Variants in STARD10 observed in about 807,000 individuals in gnomAD.
STARD10 encodes StAR related lipid transfer domain containing 10.
In STARD10, 24 loss-of-function variants were observed where a neutral mutation model predicts 36.0. The observed-to-expected ratio is 0.67, with a 90% CI of 0.48 to 0.94. The LOEUF is 0.94. STARD10 is among the 40% of genes least tolerant of loss of function. STARD10 has a pLI of 0.00. For synonymous variants in STARD10, 156 were observed against 161.9 expected (o/e 0.96, Z 0.28); for missense variants, 335 against 396.6 (o/e 0.84, Z 1.32).
intron 1 of STARD10, among the ~76,000 whole-genome samples, chr11:72,785,117 G>T (rs746689289): frequency 6.6e-6 from 1 of 152,110 alleles, no homozygotes; most frequent in African/African-American, 2.4e-5. Context: ...CAGGGCACCT[G>T]CCTGGAGCCA....
At chr11:72,763,794 A>G (rs613937) in intron 2 of STARD10, among the ~76,000 whole-genome samples, 33,797 of 152,108 alleles carry the variant, frequency 0.22, 4,336 homozygotes, top group African/African-American at 0.35. Flanking sequence ...ACAGCCTCCT[A>G]AGCGGCCACA....
At chr11:72,791,006 C>T (rs1859136568) in intron 1 of STARD10, among the ~76,000 whole-genome samples, 2 of 152,226 alleles carry the variant, frequency 1.3e-5, no homozygotes. Flanking sequence ...CAGTGGCTAA[C>T]AGTTACTGAA....
chr11:72,793,964 G>C lies in STARD10; in HGVS notation c.-1203C>G, dbSNP rs921081710. On this transcript the variant is annotated 5_prime_UTR_variant, in exon 1 of 7. Coordinates refer to ENST00000334805, the MANE Select transcript of STARD10 (RefSeq NM_006645.3). ...GAGAAAATACGGCGCGCTCGGCATC[G>C]TCCTTCTGACCGGGGACTCCAGCAT... is the stretch of plus-strand genomic sequence containing the variant. 3 of 152,224 alleles carry C rather than the reference G, an allele frequency of 2.0e-5. No individual in the cohort carries two copies. The highest frequency in any genetic ancestry group is 4.8e-5 in the African/African-American group (2 of 41,442). 9.4% of individuals were successfully genotyped at this position (152,224 alleles called of 1,614,324 possible).
intron 2 of STARD10, among the ~76,000 whole-genome samples, chr11:72,765,180 C>T (rs1280740186): frequency 1.3e-5 from 2 of 152,110 alleles, no homozygotes; most frequent in African/African-American, 2.4e-5. Flanking sequence ...GCAGGAGAAT[C>T]GCTTGAACCC....
intron 2 of STARD10, among the ~76,000 whole-genome samples, chr11:72,771,445 C>T (rs1026911985): frequency 6.6e-6 from 1 of 152,134 alleles, no homozygotes; most frequent in African/African-American, 2.4e-5. Flanking sequence ...CAGGCAATCC[C>T]TATGGCCCTC....
rs546373998 is a variant in STARD10, at chr11:72,793,829, C to G, written c.-1068G>C. 11 of 152,364 alleles carry G rather than the reference C, an allele frequency of 7.2e-5. 1 individual carries two copies. The East Asian group carries it at 2.1e-3, about 29-fold the overall frequency. 9.4% of individuals were successfully genotyped at this position (152,364 alleles called of 1,614,324 possible). On this transcript the variant is annotated 5_prime_UTR_variant, in exon 1 of 7. Transcript: ENST00000334805. ...CTAGGGGCCGCTCTGCCTCCCGCCC[C>G]CTAGTGGTTGTGGCCGCTCTGTCAC... is the stretch of plus-strand genomic sequence containing the variant.
chr11:72,777,978 A>G (rs577217), intron 2 of STARD10, among the ~76,000 whole-genome samples: 28,727 of 151,988 alleles, frequency 0.19, 3,348 homozygotes, highest in East Asian at 0.38. Flanking sequence ...CTCAGCAAAC[A>G]CCTGCAGTTG....
intron 2 of STARD10, among the ~76,000 whole-genome samples, chr11:72,761,917 CTTTTTTTTTTTTTTTTTT>C (rs1189000490): frequency 1.3e-4 from 5 of 37,472 alleles, no homozygotes; most frequent in Non-Finnish European, 2.4e-4. Context: ...CTTTTCTTTT[CTTTTTTTTTTTTTTTTTT>C]TTTTTTTGAG....
rs1342545474 is a variant in STARD10 at position 72,757,167 on chromosome 11, A to C, written c.577+600T>G. Among the ~76,000 whole-genome samples the C allele has an allele frequency of 2.3e-5, 3 of 131,960 alleles. 1 individual carries two copies. The highest frequency in any genetic ancestry group is 8.7e-5 in the African/African-American group (3 of 34,432). The allele number at this position is 131,960 out of a possible 152,430, so 86.6% of individuals were successfully genotyped here. A position where few individuals can be genotyped will look rare whatever the true frequency, so the allele number is the denominator to read the frequency against. The stretch of plus-strand genomic sequence containing the variant: ...TCTCAAAAAAAAAAAAAAAAAAAAA[A>C]TCAATGGCTGGATTTGGCTGAGGAA... On this transcript the variant is annotated intron_variant, in intron 5 of 6. Transcript: ENST00000334805.
At chr11:72,772,236 C>G (rs373942067) in intron 2 of STARD10, among the ~76,000 whole-genome samples, 2 of 118,278 alleles carry the variant, frequency 1.7e-5, no homozygotes, top group East Asian at 4.6e-4. Context: ...GTGGGCATGG[C>G]TCCCCTGTGC....
At chr11:72,776,166 C>T (rs1858927250) in intron 2 of STARD10, among the ~76,000 whole-genome samples, 1 of 152,178 alleles carries the variant, frequency 6.6e-6, no homozygotes, top group Non-Finnish European at 1.5e-5. Context: ...TTCTAGGGAC[C>T]TCTCTGATGG....
At chr11:72,784,302 G>T (rs1353375071) in intron 1 of STARD10, among the ~76,000 whole-genome samples, 4 of 152,162 alleles carry the variant, frequency 2.6e-5, no homozygotes, top group African/African-American at 9.7e-5. Context: ...CAGCACAAAG[G>T]GCCTGTGGAG....
intron 5 of STARD10, 131 bp downstream of exon 5, chr11:72,757,636 C>T (rs1437931929): frequency 2.5e-6 from 2 of 784,514 alleles, no homozygotes; most frequent in Non-Finnish European, 4.2e-6. Flanking sequence ...TCAAGGAAGG[C>T]TTTGGATGGA....
At chr11:72,776,441 T>C (rs1310983156) in intron 2 of STARD10, among the ~76,000 whole-genome samples, 2 of 152,150 alleles carry the variant, frequency 1.3e-5, no homozygotes, top group Non-Finnish European at 2.9e-5. Flanking sequence ...CAAAGTCACA[T>C]AGTGAGGACT....
chr11:72,789,172 G>T (rs1859111860), intron 1 of STARD10, among the ~76,000 whole-genome samples: 1 of 152,186 alleles, frequency 6.6e-6, no homozygotes, highest in African/African-American at 2.4e-5. Context: ...AAGTTGGGTG[G>T]ACTAATAGAA....
chr11:72,778,847 G>A (rs985550455), intron 2 of STARD10, among the ~76,000 whole-genome samples: 1 of 152,204 alleles, frequency 6.6e-6, no homozygotes, highest in Non-Finnish European at 1.5e-5. Flanking sequence ...CATCTGTTCA[G>A]TCTGAAAGAA....
intron 2 of STARD10, among the ~76,000 whole-genome samples, chr11:72,767,687 TG>T (rs777636240): frequency 6.6e-6 from 1 of 152,188 alleles, no homozygotes; most frequent in Non-Finnish European, 1.5e-5. Flanking sequence ...AACCCAGTGC[TG>T]GGGCTCCAAA....
At chr11:72,787,148 T>TCTAG (rs1340394405) in intron 1 of STARD10, among the ~76,000 whole-genome samples, 1 of 151,316 alleles carries the variant, frequency 6.6e-6, no homozygotes, top group Non-Finnish European at 1.5e-5. Context: ...AGTAACTTGT[T>TCTAG]CTAGACCACA....
chr11:72,769,820 C>T (rs1397071023), intron 2 of STARD10, among the ~76,000 whole-genome samples: 1 of 152,196 alleles, frequency 6.6e-6, no homozygotes, highest in Non-Finnish European at 1.5e-5. Flanking sequence ...AGCCCCAGTT[C>T]GGGTAAGAGT....
Sources: gnomAD v4.1 joint callset for allele counts (sites outside exome capture counted in the v4.1 genomes callset) on GRCh38, gnomAD v4.1.1 for gene constraint, MANE v1.5 for transcripts, NCBI Gene and HGNC (gene_info 2026-07-23, HGNC 2026-07-21) for gene names.